FHIT: variants seen among roughly 807,000 people sequenced by gnomAD.
The protein encoded by FHIT is fragile histidine triad diadenosine triphosphatase.
Under a neutral mutation model 17.9 loss-of-function variants are expected in FHIT, and 19 were observed. That is an observed-to-expected ratio of 1.06 (90% CI 0.74 to 1.56). FHIT has a LOEUF of 1.56. Among genes scored for constraint, FHIT ranks in the 40% most tolerant of loss-of-function variants. FHIT has a pLI of 0.00. For synonymous variants in FHIT, 81 were observed against 69.7 expected (o/e 1.16, Z -0.81); for missense variants, 248 against 189.2 (o/e 1.31, Z -1.82).
chr3:61,214,448 C>T (rs2039600487), intron 1 of FHIT, among the ~76,000 whole-genome samples: 1 of 152,154 alleles, frequency 6.6e-6, no homozygotes, highest in Non-Finnish European at 1.5e-5. Flanking sequence ...CCTCCCAAGA[C>T]TAAAGCAGGA....
rs555816615 is a variant in FHIT at position 60,228,210 on chromosome 3, C to G, written c.104-214058G>C. On this transcript the variant is annotated intron_variant, in intron 5 of 9. Coordinates refer to ENST00000492590, the MANE Select transcript of FHIT (RefSeq NM_002012.4). ...AAAGTAAGGCATGAAACCACTGGCT[C>G]TGACATACTGTATGATCCCATTTAT... 4.6e-5 allele frequency among the ~76,000 whole-genome samples: 7 copies of G among 152,258 alleles called. No individual in the cohort carries two copies. In the South Asian group the frequency reaches 1.5e-3, roughly 32 times the overall value.
At chr3:61,044,124 G>A (rs1381815406) in intron 2 of FHIT, among the ~76,000 whole-genome samples, 4 of 152,206 alleles carry the variant, frequency 2.6e-5, no homozygotes, top group Non-Finnish European at 5.9e-5. Flanking sequence ...AAAGCTGGAT[G>A]GAGAATGAAT....
chr3:60,516,581 G>C (rs1228989263), intron 5 of FHIT, among the ~76,000 whole-genome samples: 1 of 152,184 alleles, frequency 6.6e-6, no homozygotes, highest in African/African-American at 2.4e-5. Context: ...GTTTGGTCTA[G>C]ATCGATTTAG....
chr3:59,783,453 G>A (rs1702693031), intron 8 of FHIT, among the ~76,000 whole-genome samples: 1 of 152,180 alleles, frequency 6.6e-6, no homozygotes, highest in Non-Finnish European at 1.5e-5. Context: ...TGGTGACAGA[G>A]CGAGACTTGA....
intron 5 of FHIT, among the ~76,000 whole-genome samples, chr3:60,238,248 A>C (rs1324240100): frequency 1.3e-5 from 2 of 151,940 alleles, no homozygotes; most frequent in African/African-American, 4.8e-5. Flanking sequence ...CCAGAACTAA[A>C]CCAAGTCATG....
At chr3:60,815,735 T>C (rs1315866378) in intron 4 of FHIT, among the ~76,000 whole-genome samples, 2 of 152,004 alleles carry the variant, frequency 1.3e-5, no homozygotes, top group Admixed American at 1.3e-4. Flanking sequence ...ATTCCACATG[T>C]ACTTTATAAT....
At chr3:60,619,808 C>T (rs1342572599) in intron 4 of FHIT, among the ~76,000 whole-genome samples, 1 of 152,022 alleles carries the variant, frequency 6.6e-6, no homozygotes, top group East Asian at 1.9e-4. Context: ...TGAAAGAAAT[C>T]ATTGATAAGC....
At chr3:59,768,487 G>T (rs1298556809) in intron 8 of FHIT, among the ~76,000 whole-genome samples, 1 of 152,148 alleles carries the variant, frequency 6.6e-6, no homozygotes, top group African/African-American at 2.4e-5. Context: ...ACTGGACTTA[G>T]GTGGCCCTCC....
chr3:60,533,938 T>C (rs556728754), intron 5 of FHIT, among the ~76,000 whole-genome samples: 1 of 152,164 alleles, frequency 6.6e-6, no homozygotes, highest in East Asian at 1.9e-4. Flanking sequence ...GGAGACAGCA[T>C]AAATCTAGAT....
intron 3 of FHIT, among the ~76,000 whole-genome samples, chr3:60,961,305 G>C (rs940456796): frequency 4.0e-5 from 6 of 151,068 alleles, no homozygotes; most frequent in Middle Eastern, 3.2e-3. Flanking sequence ...GTAAATTTAA[G>C]TTCTTTGTAG....
intron 5 of FHIT, among the ~76,000 whole-genome samples, chr3:60,324,087 T>C (rs1208172701): frequency 1.3e-5 from 2 of 152,092 alleles, no homozygotes; most frequent in Non-Finnish European, 2.9e-5. Context: ...AAACAGCTGG[T>C]TGTATTAGGA....
At position 59,889,599 on chromosome 3, in the gene FHIT, C is replaced by T. The variant is rs190168379; in HGVS notation, c.348+32747G>A. ...AGAGAGGAGGATCCCTCAAAGAGAT[C>T]CTGAAAGCTCAAGTAGGAGAAGACA... On this transcript the variant is annotated intron_variant, in intron 8 of 9. Transcript: ENST00000492590. Among the ~76,000 whole-genome samples, 284 of 152,288 alleles carry T rather than the reference C, an allele frequency of 1.9e-3. 1 individual carries two copies. Among genetic ancestry groups the T allele is most frequent in the Middle Eastern group, 3.4e-3 (1 of 294 alleles).
At chr3:60,266,135 A>G (rs1706566112) in intron 5 of FHIT, among the ~76,000 whole-genome samples, 1 of 152,112 alleles carries the variant, frequency 6.6e-6, no homozygotes, top group Non-Finnish European at 1.5e-5. Flanking sequence ...TAAAAGCCTA[A>G]AAGTGGAAAC....
At chr3:60,406,436 C>A (rs945308856) in intron 5 of FHIT, among the ~76,000 whole-genome samples, 2 of 152,192 alleles carry the variant, frequency 1.3e-5, no homozygotes, top group African/African-American at 4.8e-5. Flanking sequence ...GCCTGGCAGA[C>A]CACTGGAGCC....
chr3:60,345,858 A>G (rs1034017322), intron 5 of FHIT, among the ~76,000 whole-genome samples: 8 of 152,108 alleles, frequency 5.3e-5, no homozygotes, highest in African/African-American at 1.9e-4. Context: ...AGTTACTAAC[A>G]TATTTGTATA....
intron 5 of FHIT, among the ~76,000 whole-genome samples, chr3:60,137,726 A>G (rs1699873931): frequency 6.9e-6 from 1 of 145,270 alleles, no homozygotes; most frequent in Non-Finnish European, 1.5e-5. Context: ...CACAGTCAGT[A>G]TCACTTCAGA....
At chr3:60,464,591 AAAG>A (rs2107424270) in intron 5 of FHIT, among the ~76,000 whole-genome samples, 1 of 152,200 alleles carries the variant, frequency 6.6e-6, no homozygotes, top group African/African-American at 2.4e-5. Flanking sequence ...TAGTTCTCAC[AAAG>A]AAGTGAGAAC....
intron 3 of FHIT, among the ~76,000 whole-genome samples, chr3:61,004,079 G>T (rs976816472): frequency 6.6e-6 from 1 of 152,126 alleles, no homozygotes; most frequent in African/African-American, 2.4e-5. Context: ...GAGACGAATA[G>T]AAGAATCCCT....
At chr3:60,005,781 A>T (rs771632702) in intron 7 of FHIT, among the ~76,000 whole-genome samples, 1 of 152,180 alleles carries the variant, frequency 6.6e-6, no homozygotes, top group Non-Finnish European at 1.5e-5. Context: ...GGCAAATCAC[A>T]TCTCTCTTGG....
Sources: allele counts gnomAD v4.1 joint callset (sites outside exome capture counted in the v4.1 genomes callset), GRCh38; gene constraint gnomAD v4.1.1; transcripts MANE v1.5; gene names NCBI Gene and HGNC (gene_info 2026-07-23, HGNC 2026-07-21).